Variants in HMCN1 observed in about 807,000 individuals in gnomAD.
HMCN1 encodes the protein hemicentin 1.
A neutral mutation model predicts 625.9 loss-of-function variants in HMCN1; 321 were observed. That is an observed-to-expected ratio of 0.51 (90% CI 0.47 to 0.56). The LOEUF (loss-of-function observed/expected upper bound fraction) is 0.56, where lower values mean the gene tolerates loss of function less well. HMCN1 is among the 20% of genes least tolerant of loss of function. The pLI is 0.00. For synonymous variants in HMCN1, 2,425 were observed against 2,417.6 expected (o/e 1.00, Z -0.09); for missense variants, 6,588 against 6,887.3 (o/e 0.96, Z 1.54).
intron 4 of HMCN1, among the ~76,000 whole-genome samples, chr1:185,908,372 T>A (rs907613363): frequency 5.3e-5 from 8 of 152,054 alleles, no homozygotes; most frequent in African/African-American, 1.9e-4. Context: ...TAGCTTAATA[T>A]CCAGCTCTGT....
At chr1:186,078,008 A>G in intron 54 of HMCN1, 99 bp from the exon 55 acceptor site, 1 of 829,278 alleles carries the variant, frequency 1.2e-6, no homozygotes, top group East Asian at 2.6e-5. Flanking sequence ...CCTTGAAAGA[A>G]AATGTAAGGC....
At chr1:186,150,454 A>G (rs558408368) in intron 93 of HMCN1, among the ~76,000 whole-genome samples, 4 of 152,340 alleles carry the variant, frequency 2.6e-5, no homozygotes, top group South Asian at 2.1e-4. Context: ...TTTTGCAACC[A>G]GATTACCTTG....
In HMCN1 at chr1:186,103,451, T is replaced by C. The variant is rs147495018; in HGVS notation, c.10574-21T>C. The stretch of plus-strand genomic sequence containing the variant: ...TTATGAAACTGTGGGTTTATTATTA[T>C]TTTTGATTCCCTTTAAATAGAACCA... On this transcript the variant is annotated intron_variant, in intron 68 of 106. Coordinates refer to ENST00000271588, the MANE Select transcript of HMCN1 (RefSeq NM_031935.3). The C allele has an allele frequency of 1.2e-4, 189 of 1,596,026 alleles. No homozygotes were observed. In the East Asian group the frequency reaches 4.0e-3, roughly 33 times the overall value.
chr1:186,092,775 A>T (rs1246467597), intron 64 of HMCN1, among the ~76,000 whole-genome samples: 1 of 152,062 alleles, frequency 6.6e-6, no homozygotes, highest in Non-Finnish European at 1.5e-5. Context: ...GTTGCTTATA[A>T]CTAGATTTTT....
intron 104 of HMCN1, among the ~76,000 whole-genome samples, chr1:186,181,619 TAAAA>T (rs1253790121): frequency 6.6e-6 from 1 of 152,032 alleles, no homozygotes; most frequent in East Asian, 1.9e-4. Flanking sequence ...TTGAATTGTA[TAAAA>T]AAAGAGTATT....
chr1:186,037,084 T>C (rs1456780224), intron 36 of HMCN1, among the ~76,000 whole-genome samples: 1 of 152,114 alleles, frequency 6.6e-6, no homozygotes, highest in Non-Finnish European at 1.5e-5. Context: ...GATTGATGGA[T>C]TTATTGATTG....
chr1:185,871,802 A>C (rs1353715810), intron 4 of HMCN1, among the ~76,000 whole-genome samples: 2 of 152,166 alleles, frequency 1.3e-5, no homozygotes, highest in African/African-American at 2.4e-5. Context: ...TCTTCCCGCT[A>C]TTTTGGCTAA....
In HMCN1 at chr1:185,952,129, C is replaced by T. The variant is rs568519810; in HGVS notation, c.1829-10389C>T. Among the ~76,000 whole-genome samples the T allele has an allele frequency of 1.9e-3, 281 of 151,382 alleles. 8 individuals carry two copies. Among genetic ancestry groups the T allele is most frequent in the African/African-American group, 6.2e-3 (253 of 40,946 alleles). On this transcript the variant is annotated intron_variant, in intron 11 of 106. Coordinates refer to ENST00000271588, the MANE Select transcript of HMCN1 (RefSeq NM_031935.3). ...TATATTTGATGAAAAAGAGCCTAAACGCTATCTGATTTGGGATAAAGAAAA... is the reference window on the plus strand; with the variant it reads ...TATATTTGATGAAAAAGAGCCTAAATGCTATCTGATTTGGGATAAAGAAAA...
chr1:186,077,008 A>C (rs1658860231), intron 54 of HMCN1, among the ~76,000 whole-genome samples: 1 of 152,158 alleles, frequency 6.6e-6, no homozygotes, highest in Non-Finnish European at 1.5e-5. Flanking sequence ...ATCATAAATA[A>C]ATAGGGAAGA....
At chr1:185,778,759 G>A (rs940335574) in intron 1 of HMCN1, among the ~76,000 whole-genome samples, 2 of 152,058 alleles carry the variant, frequency 1.3e-5, no homozygotes, top group Non-Finnish European at 2.9e-5. Context: ...TGGACATTTG[G>A]GTTGGTTCCA....
At chr1:186,030,806 T>G (rs909326123) in intron 36 of HMCN1, among the ~76,000 whole-genome samples, 3 of 152,024 alleles carry the variant, frequency 2.0e-5, no homozygotes, top group African/African-American at 7.2e-5. Flanking sequence ...TTATTGCCCT[T>G]ATTGCTTCTT....
chr1:185,874,485 T>C (rs1663812356), intron 4 of HMCN1, among the ~76,000 whole-genome samples: 1 of 151,986 alleles, frequency 6.6e-6, no homozygotes, highest in Non-Finnish European at 1.5e-5. Flanking sequence ...TCCTTATGCA[T>C]TCCAAGAGTG....
At chr1:186,010,207 A>C in intron 30 of HMCN1, among the ~76,000 whole-genome samples, 1 of 151,760 alleles carries the variant, frequency 6.6e-6, no homozygotes, top group Non-Finnish European at 1.5e-5. Context: ...GTGTGTATAT[A>C]TGTGTGTGTG....
chr1:186,070,078 C>G (rs1021320844), intron 51 of HMCN1, among the ~76,000 whole-genome samples: 3 of 152,176 alleles, frequency 2.0e-5, no homozygotes, highest in African/African-American at 4.8e-5. Flanking sequence ...GTAGTACTTT[C>G]ATGTACAAAA....
chr1:185,939,553 C>T (rs981988784), intron 11 of HMCN1, among the ~76,000 whole-genome samples: 2 of 152,076 alleles, frequency 1.3e-5, no homozygotes, highest in East Asian at 3.9e-4. Flanking sequence ...AGATCAAATT[C>T]AGGCAGTTAA....
chr1:185,866,919 T>A (rs541134785), intron 4 of HMCN1, among the ~76,000 whole-genome samples: 29 of 152,242 alleles, frequency 1.9e-4, no homozygotes, highest in African/African-American at 5.8e-4. Context: ...GTTTGTTACA[T>A]AGGTAAACGT....
chr1:186,041,631 C>T (rs369133207), intron 40 of HMCN1, among the ~76,000 whole-genome samples: 3 of 152,050 alleles, frequency 2.0e-5, no homozygotes, highest in African/African-American at 2.4e-5. Flanking sequence ...CTCTCAATGC[C>T]GCTCACAATG....
intron 1 of HMCN1, among the ~76,000 whole-genome samples, chr1:185,833,337 A>G (rs1451642403): frequency 6.6e-6 from 1 of 152,212 alleles, no homozygotes; most frequent in Non-Finnish European, 1.5e-5. Context: ...AGACATTTAC[A>G]TTATTAAGAA....
intron 4 of HMCN1, among the ~76,000 whole-genome samples, chr1:185,892,206 A>T (rs933933138): frequency 6.7e-6 from 1 of 148,928 alleles, no homozygotes; most frequent in Non-Finnish European, 1.5e-5. Flanking sequence ...CTAGTTATAC[A>T]TTCTTCTAAA....
Sources: allele counts gnomAD v4.1 joint callset (sites outside exome capture counted in the v4.1 genomes callset), GRCh38; gene constraint gnomAD v4.1.1; transcripts MANE v1.5; gene names NCBI Gene and HGNC (gene_info 2026-07-23, HGNC 2026-07-21).